The following CSMD1 variants were observed in gnomAD, a reference collection of about 807,000 sequenced individuals.
The protein encoded by CSMD1 is CUB and Sushi multiple domains 1.
In CSMD1, 213 loss-of-function variants were observed where a neutral mutation model predicts 417.5. The ratio of observed to expected loss-of-function variants is 0.51; its 90% CI spans 0.46 to 0.57. The LOEUF (loss-of-function observed/expected upper bound fraction) is 0.57, where lower values mean the gene tolerates loss of function less well. Ranked by LOEUF, CSMD1 falls within the 20% of genes least tolerant of loss-of-function variation. The probability of loss-of-function intolerance (pLI) is 0.00; values close to 1 mark genes in which losing one functional copy is unlikely to be tolerated. For synonymous variants in CSMD1, 2,862 were observed against 1,736.8 expected (o/e 1.65, Z -16.11); for missense variants, 6,923 against 4,529.7 (o/e 1.53, Z -15.17).
At position 4,463,861 on chromosome 8, in the gene CSMD1, A is replaced by C. The variant is rs575062689; in HGVS notation, c.303-43796T>G. 2.0e-5 allele frequency among the ~76,000 whole-genome samples: 3 copies of C among 152,302 alleles called. No individual in the cohort carries two copies. The South Asian group carries it at 6.2e-4, about 32-fold the overall frequency. Reference sequence around the variant, plus strand: ...CCCAGGAATATATTAAAAAGCACTGAAGAGTACACTTCAGGTCAATATTGT... The same window carrying C: ...CCCAGGAATATATTAAAAAGCACTGCAGAGTACACTTCAGGTCAATATTGT... On this transcript the variant is annotated intron_variant, in intron 2 of 69. Coordinates refer to ENST00000635120, the MANE Select transcript of CSMD1 (RefSeq NM_033225.6).
intron 37 of CSMD1, among the ~76,000 whole-genome samples, chr8:3,180,632 T>TTTTG (rs756052324): frequency 1.3e-5 from 2 of 152,108 alleles, no homozygotes; most frequent in Non-Finnish European, 1.5e-5. Context: ...TGTATATTTC[T>TTTTG]TTTGTTTGTT....
chr8:4,727,346 A>C (rs1452305412), intron 1 of CSMD1, among the ~76,000 whole-genome samples: 2 of 152,236 alleles, frequency 1.3e-5, no homozygotes, highest in Non-Finnish European at 2.9e-5. Context: ...AGACCATGAA[A>C]TAAAATGTTC....
intron 19 of CSMD1, among the ~76,000 whole-genome samples, chr8:3,368,495 C>G (rs185787898): frequency 6.6e-6 from 1 of 152,114 alleles, no homozygotes. Context: ...CACCACGATG[C>G]CTGGCTAATT....
chr8:4,122,667 C>G (rs900650736), intron 3 of CSMD1, among the ~76,000 whole-genome samples: 2 of 152,146 alleles, frequency 1.3e-5, no homozygotes, highest in African/African-American at 2.4e-5. Context: ...CCAGGAAGGG[C>G]AGACCCTCAG....
At chr8:4,791,319 C>T (rs940686451) in intron 1 of CSMD1, among the ~76,000 whole-genome samples, 1 of 152,176 alleles carries the variant, frequency 6.6e-6, no homozygotes, top group African/African-American at 2.4e-5. Context: ...TTTCTTACTA[C>T]TTCTTGGTGT....
At chr8:4,946,757 A>G (rs765091115) in intron 1 of CSMD1, among the ~76,000 whole-genome samples, 3 of 152,246 alleles carry the variant, frequency 2.0e-5, no homozygotes, top group Admixed American at 6.5e-5. Context: ...AGGTTCAGTT[A>G]TAACACCAAT....
intron 25 of CSMD1, among the ~76,000 whole-genome samples, chr8:3,302,247 T>C (rs538057161): frequency 6.6e-6 from 1 of 152,322 alleles, no homozygotes; most frequent in African/African-American, 2.4e-5. Flanking sequence ...ATTTTATCTC[T>C]TGTGCTTTTC....
chr8:4,337,120 C>A (rs1337145018), intron 3 of CSMD1, among the ~76,000 whole-genome samples: 1 of 152,114 alleles, frequency 6.6e-6, no homozygotes, highest in Non-Finnish European at 1.5e-5. Context: ...GAGACCGAAG[C>A]ATTTAAGTGG....
At chr8:4,442,983 T>C (rs1395867537) in intron 2 of CSMD1, among the ~76,000 whole-genome samples, 1 of 152,172 alleles carries the variant, frequency 6.6e-6, no homozygotes, top group Admixed American at 6.5e-5. Context: ...AATAGTGTCA[T>C]TGCTTTAACT....
chr8:3,857,382 T>C (rs542274438), intron 5 of CSMD1, among the ~76,000 whole-genome samples: 37 of 152,304 alleles, frequency 2.4e-4, no homozygotes, highest in South Asian at 2.3e-3. Flanking sequence ...TTTAAAGAGA[T>C]TGGCCTATAT....
intron 52 of CSMD1, among the ~76,000 whole-genome samples, chr8:3,005,969 AG>A (rs1165957707): frequency 1.3e-5 from 2 of 152,162 alleles, no homozygotes; most frequent in Non-Finnish European, 2.9e-5. Context: ...TTAGGAAAAG[AG>A]GAAGTCAAAT....
At position 4,641,811 on chromosome 8, in the gene CSMD1, A is replaced by AATCTT. The variant is rs956877701; in HGVS notation, c.86-4254_86-4253insAAGAT. 9.2e-5 allele frequency among the ~76,000 whole-genome samples: 14 copies of AATCTT among 152,306 alleles called. No individual in the cohort carries two copies. The East Asian group carries it at 2.5e-3, about 27-fold the overall frequency. On this transcript the variant is annotated intron_variant, in intron 1 of 69. Coordinates refer to ENST00000635120, the MANE Select transcript of CSMD1 (RefSeq NM_033225.6). ...AAAATCTAGATATGTAGGGACTCTA[A>AATCTT]ATTCTGTCGTTCTTTAAAACTAATC...
In CSMD1 at chr8:3,433,269, T is replaced by C. The variant is rs548710997; in HGVS notation, c.1562-23664A>G. On this transcript the variant is annotated intron_variant, in intron 12 of 69. Coordinates refer to ENST00000635120, the MANE Select transcript of CSMD1 (RefSeq NM_033225.6). ...CTGTTTCTTCAAAATTCTTCTAACT[T>C]ATCTCCAGGTCTTCTGACCATATAG... is the stretch of plus-strand genomic sequence containing the variant. 1.6e-4 allele frequency among the ~76,000 whole-genome samples: 25 copies of C among 152,312 alleles called. No homozygotes were observed. In the South Asian group the frequency reaches 5.2e-3, roughly 32 times the overall value.
chr8:3,680,532 G>A (rs1470334555), intron 7 of CSMD1, among the ~76,000 whole-genome samples: 1 of 152,166 alleles, frequency 6.6e-6, no homozygotes, highest in African/African-American at 2.4e-5. Context: ...CTCTGAAATT[G>A]AGGTAATAAT....
chr8:3,822,684 G>A (rs183245851), intron 5 of CSMD1, among the ~76,000 whole-genome samples: 3 of 152,134 alleles, frequency 2.0e-5, no homozygotes, highest in East Asian at 1.9e-4. Flanking sequence ...CACAGTCACG[G>A]CAATGACTTC....
chr8:3,796,876 A>C (rs1349755839), intron 5 of CSMD1, among the ~76,000 whole-genome samples: 1 of 151,688 alleles, frequency 6.6e-6, no homozygotes, highest in African/African-American at 2.4e-5. Flanking sequence ...TTTCTACAAA[A>C]ATGGAAATTC....
intron 3 of CSMD1, among the ~76,000 whole-genome samples, chr8:4,128,084 C>A (rs992639713): frequency 6.6e-6 from 1 of 152,258 alleles, no homozygotes; most frequent in South Asian, 2.1e-4. Flanking sequence ...CAAAATGGTT[C>A]CTCAACAGTC....
chr8:3,586,398 T>C, intron 8 of CSMD1, 138 bp from the exon 9 acceptor site: 1 of 759,612 alleles, frequency 1.3e-6, no homozygotes, highest in Middle Eastern at 3.5e-4. Context: ...ACTCATTAGG[T>C]AGTATGTATA....
chr8:3,216,896 A>T (rs1797912653), intron 29 of CSMD1, among the ~76,000 whole-genome samples: 1 of 152,242 alleles, frequency 6.6e-6, no homozygotes, highest in Non-Finnish European at 1.5e-5. Context: ...TATCCACACC[A>T]GCACTTGCTC....
Sources: gnomAD v4.1 joint callset for allele counts (sites outside exome capture counted in the v4.1 genomes callset) on GRCh38, gnomAD v4.1.1 for gene constraint, MANE v1.5 for transcripts, NCBI Gene and HGNC (gene_info 2026-07-23, HGNC 2026-07-21) for gene names.